Variants in AGMO observed in about 807,000 individuals in gnomAD.
AGMO encodes the protein alkylglycerol monooxygenase.
Under a neutral mutation model 60.2 loss-of-function variants are expected in AGMO, and 75 were observed. The observed-to-expected ratio is 1.25, with a 90% confidence interval of 1.03 to 1.51. The LOEUF (loss-of-function observed/expected upper bound fraction) is 1.51. Among genes scored for constraint, AGMO ranks in the 40% most tolerant of loss-of-function variants. The probability of loss-of-function intolerance (pLI) is 0.00; values close to 1 mark genes in which losing one functional copy is unlikely to be tolerated. For synonymous variants in AGMO, 261 were observed against 177.1 expected, an observed-to-expected ratio of 1.47 and a Z score of -3.76; for missense variants, 763 against 525.5, an observed-to-expected ratio of 1.45 and a Z score of -4.42.
the AGMO span, among the ~76,000 whole-genome samples, chr7:15,124,946 C>G: frequency 6.6e-6 from 1 of 151,718 alleles, no homozygotes; most frequent in Non-Finnish European, 1.5e-5. Flanking sequence ...AGGGGGGACA[C>G]AGAAATCAGT....
chr7:15,317,146 C>A (rs1308846446), intron 12 of AGMO, among the ~76,000 whole-genome samples: 1 of 152,078 alleles, frequency 6.6e-6, no homozygotes, highest in African/African-American at 2.4e-5. Flanking sequence ...TGACTTTCAA[C>A]TTCGTAAATT....
rs1211956720 is a variant in AGMO at position 15,549,981 on chromosome 7, G to A, written c.258-5058C>T. 2.0e-5 allele frequency among the ~76,000 whole-genome samples: 3 copies of A among 151,322 alleles called. No homozygotes were observed. The East Asian group carries it at 5.9e-4, about 30-fold the overall frequency. ...AACAAACTATCTCTCAGACCACAGTGCAATCAAACTAGAACTCAGGATTAA... is the reference window on the plus strand; with the variant it reads ...AACAAACTATCTCTCAGACCACAGTACAATCAAACTAGAACTCAGGATTAA... On this transcript the variant is annotated intron_variant, in intron 2 of 12. Coordinates refer to ENST00000342526, the MANE Select transcript of AGMO (RefSeq NM_001004320.2).
chr7:15,215,706 T>C (rs1014086628), intron 12 of AGMO, among the ~76,000 whole-genome samples: 2 of 152,054 alleles, frequency 1.3e-5, no homozygotes, highest in Non-Finnish European at 2.9e-5. Context: ...TACCAAGATT[T>C]GAAACAGTGC....
chr7:15,247,620 A>C (rs1322645064), intron 12 of AGMO, among the ~76,000 whole-genome samples: 2 of 152,150 alleles, frequency 1.3e-5, no homozygotes, highest in Non-Finnish European at 2.9e-5. Context: ...TTCCATTTCA[A>C]TTGCAATATG....
chr7:15,334,422 C>G (rs1781588891), intron 12 of AGMO, among the ~76,000 whole-genome samples: 1 of 151,590 alleles, frequency 6.6e-6, no homozygotes, highest in African/African-American at 2.4e-5. Context: ...TCATTCTATT[C>G]TCCTTCTGTG....
chr7:15,216,271 T>G (rs1320945061), intron 12 of AGMO, among the ~76,000 whole-genome samples: 2 of 152,148 alleles, frequency 1.3e-5, no homozygotes, highest in African/African-American at 2.4e-5. Flanking sequence ...GCTTTGGCTT[T>G]GTGATCAAAC....
intron 12 of AGMO, among the ~76,000 whole-genome samples, chr7:15,294,401 A>G (rs1784356259): frequency 6.6e-6 from 1 of 152,004 alleles, no homozygotes; most frequent in Non-Finnish European, 1.5e-5. Context: ...GAAAAGCAAG[A>G]GAGTAAATTG....
Position 15,258,565 on chromosome 7 carries a change from T to A in AGMO, c.1264-57206A>T, listed in dbSNP as rs185643810. 2.0e-4 allele frequency among the ~76,000 whole-genome samples: 31 copies of A among 151,402 alleles called. No individual in the cohort carries two copies. In the East Asian group the frequency reaches 5.8e-3, roughly 28 times the overall value. ...CTCTTTCTCAAAAAAAAATAAAAAA[T>A]AAAATAAAAAAAGAAAAAGAAAATT... On this transcript the variant is annotated intron_variant, in intron 12 of 12. Coordinates refer to ENST00000342526, the MANE Select transcript of AGMO (RefSeq NM_001004320.2).
intron 12 of AGMO, among the ~76,000 whole-genome samples, chr7:15,264,059 T>A (rs1165367190): frequency 2.0e-5 from 3 of 150,968 alleles, no homozygotes; most frequent in Non-Finnish European, 4.4e-5. Context: ...AAAAACCTAT[T>A]GAAATAAAAA....
intron 3 of AGMO, among the ~76,000 whole-genome samples, chr7:15,458,456 G>A (rs375200691): frequency 6.6e-6 from 1 of 152,122 alleles, no homozygotes; most frequent in South Asian, 2.1e-4. Context: ...GCCTAGCCTG[G>A]GAATTTTATT....
chr7:15,293,072 GT>G (rs1293729119), intron 12 of AGMO, among the ~76,000 whole-genome samples: 1 of 151,878 alleles, frequency 6.6e-6, no homozygotes, highest in Non-Finnish European at 1.5e-5. Flanking sequence ...TCTTCCTCCA[GT>G]TTAGCCTGAG....
intron 12 of AGMO, among the ~76,000 whole-genome samples, chr7:15,283,510 T>C (rs1456626210): frequency 6.6e-6 from 1 of 151,874 alleles, no homozygotes; most frequent in Non-Finnish European, 1.5e-5. Context: ...AATGATAAAA[T>C]GATCAATTCA....
At chr7:15,274,907 T>A (rs559692940) in intron 12 of AGMO, among the ~76,000 whole-genome samples, 140 of 152,164 alleles carry the variant, frequency 9.2e-4, no homozygotes, top group Admixed American at 5.5e-3. Flanking sequence ...GTCACCTTTA[T>A]AATTTCTGAT....
intron 10 of AGMO, among the ~76,000 whole-genome samples, chr7:15,383,739 G>C (rs900656402): frequency 6.6e-6 from 1 of 151,958 alleles, no homozygotes; most frequent in Non-Finnish European, 1.5e-5. Flanking sequence ...GTTTGAAAAT[G>C]ATTTATTATT....
At chr7:15,396,000 A>G (rs747396167) in intron 5 of AGMO, 2 of 152,172 alleles carry the variant, frequency 1.3e-5, no homozygotes, top group South Asian at 2.1e-4. Context: ...CTGGGACAGG[A>G]GCCATCATCA....
At chr7:15,383,546 G>T (rs993951432) in intron 10 of AGMO, among the ~76,000 whole-genome samples, 49 of 152,138 alleles carry the variant, frequency 3.2e-4, no homozygotes, top group African/African-American at 8.4e-4. Flanking sequence ...AACTGTTACA[G>T]TAACATCTTC....
At chr7:15,216,201 A>G (rs1412427683) in intron 12 of AGMO, among the ~76,000 whole-genome samples, 1 of 152,120 alleles carries the variant, frequency 6.6e-6, no homozygotes, top group Non-Finnish European at 1.5e-5. Flanking sequence ...CAGTCTAACT[A>G]GGACTGTGAT....
At chr7:15,428,835 C>G (rs1781143900) in intron 4 of AGMO, among the ~76,000 whole-genome samples, 1 of 152,006 alleles carries the variant, frequency 6.6e-6, no homozygotes, top group Admixed American at 6.6e-5. Flanking sequence ...GAAAATGCAA[C>G]TACTGGAGAT....
chr7:15,555,292 T>TAC (rs58173194), intron 2 of AGMO, among the ~76,000 whole-genome samples: 9,905 of 95,606 alleles, frequency 0.1, 545 homozygotes, highest in South Asian at 0.16. Flanking sequence ...TATATATATA[T>TAC]ACACACACAC....
Sources: gnomAD v4.1 joint callset for allele counts (sites outside exome capture counted in the v4.1 genomes callset) on GRCh38, gnomAD v4.1.1 for gene constraint, MANE v1.5 for transcripts, NCBI Gene and HGNC (gene_info 2026-07-23, HGNC 2026-07-21) for gene names.